Variants in COL2A1 observed in about 807,000 individuals in gnomAD.
COL2A1 encodes collagen type II alpha 1 chain, also known as collagen alpha-1(II) chain.
A neutral mutation model predicts 204.5 loss-of-function variants in COL2A1; 28 were observed. The ratio of observed to expected loss-of-function variants is 0.14; its 90% CI spans 0.10 to 0.19. The LOEUF is 0.19. Among genes scored for constraint, COL2A1 ranks in the 10% least tolerant of loss-of-function variants. The pLI is 1.00. For missense variants in COL2A1, 1,388 were observed against 2,027.5 expected (o/e 0.68, Z 6.06); for synonymous variants, 708 against 718.7 (o/e 0.99, Z 0.24).
Position 47,979,504 on chromosome 12 carries a change from C to T in COL2A1, c.2733+7G>A. 1 of 1,613,604 alleles carries T rather than the reference C, an allele frequency of 6.2e-7. No individual in the cohort carries two copies. Among genetic ancestry groups the T allele is most frequent in the Non-Finnish European group, 8.5e-7 (1 of 1,179,930 alleles). On this transcript the variant is annotated splice_region_variant and intron_variant, in intron 41 of 53. Transcript: ENST00000380518. Reference sequence around the variant, plus strand: ...CCTGTGCCTCTCATGCCAGGAGCATCACTTACATTGGAGCCTGGGGGTCCA... The same window carrying T: ...CCTGTGCCTCTCATGCCAGGAGCATTACTTACATTGGAGCCTGGGGGTCCA...
Position 47,996,644 on chromosome 12 carries a change from A to G in COL2A1, c.532-19T>C, listed in dbSNP as rs754458600. 3 of 1,611,988 alleles carry G rather than the reference A, an allele frequency of 1.9e-6. No individual in the cohort carries two copies. Among genetic ancestry groups the G allele is most frequent in the Non-Finnish European group, 2.5e-6 (3 of 1,178,094 alleles). ...CAAAGTTCTGCAAAGAAACCCAACA[A>G]CGTTAGGAGGTTGAAAGGCACTAGG... On this transcript the variant is annotated intron_variant, in intron 7 of 53. Coordinates refer to ENST00000380518, the MANE Select transcript of COL2A1 (RefSeq NM_001844.5).
Position 47,987,022 on chromosome 12 carries a change from A to C in COL2A1, c.1365+56T>G, listed in dbSNP as rs1363236806. On this transcript the variant is annotated intron_variant, in intron 21 of 53. Transcript: ENST00000380518. This position sits in a 1 kb window ranked among gnomAD's most constrained non-coding sequence, Gnocchi z 4.1. ...CAGGAGAGCATGGGAAAGAGGGGTG[A>C]TGGGGTTTGACTCCAGAGATGTCAG... 3.8e-6 allele frequency: 6 copies of C among 1,586,604 alleles called. No individual in the cohort carries two copies. The highest frequency in any genetic ancestry group is 5.2e-6 in the Non-Finnish European group (6 of 1,155,120).
chr12:47,998,519 C>G, intron 2 of COL2A1, 88 bp from the exon 3 acceptor site: 1 of 1,363,942 alleles, frequency 7.3e-7, no homozygotes, highest in South Asian at 1.3e-5. Flanking sequence ...CTCATTAGAT[C>G]AAACAAGTAA....
Position 47,984,631 on chromosome 12 carries a change from G to A in COL2A1, c.1834-32C>T, listed in dbSNP as rs780688677. 2.9e-5 allele frequency: 47 copies of A among 1,609,836 alleles called. No homozygotes were observed. In the East Asian group the frequency reaches 4.2e-4, roughly 15 times the overall value. Reference sequence around the variant, plus strand: ...GAAAGAGAGGGCAGGGCCATGAGGCGGATGGTTTGGGAGGGAGTTGGGGGC... The same window carrying A: ...GAAAGAGAGGGCAGGGCCATGAGGCAGATGGTTTGGGAGGGAGTTGGGGGC... On this transcript the variant is annotated intron_variant, in intron 27 of 53. Transcript: ENST00000380518.
chr12:47,992,577 G>A (rs1197283333), intron 16 of COL2A1, among the ~76,000 whole-genome samples: 2 of 152,184 alleles, frequency 1.3e-5, no homozygotes, highest in Non-Finnish European at 2.9e-5. Context: ...AGCTAAGTCT[G>A]TCTGTAAACT....
intron 31 of COL2A1, 64 bp from the exon 32 acceptor site, chr12:47,983,201 C>T (rs772137028): frequency 2.9e-5 from 45 of 1,571,602 alleles, no homozygotes; most frequent in Non-Finnish European, 3.6e-5. Flanking sequence ...GAACAATTCT[C>T]CACAGCAGGG....
At chr12:47,988,722 C>T (rs548402010) in intron 18 of COL2A1, among the ~76,000 whole-genome samples, 89 of 152,376 alleles carry the variant, frequency 5.8e-4, no homozygotes, top group African/African-American at 2.0e-3. Flanking sequence ...TGGCCTCCCA[C>T]TGGCCTCTAG....
intron 23 of COL2A1, 21 bp from the exon 24 acceptor site, chr12:47,985,986 G>C: frequency 1.3e-6 from 2 of 1,551,370 alleles, no homozygotes; most frequent in Non-Finnish European, 8.7e-7. Flanking sequence ...ACAGGGAGGA[G>C]AGGCAGTGAG....
intron 1 of COL2A1, 70 bp downstream of exon 1, chr12:48,004,167 G>A (rs546659256): frequency 1.7e-6 from 2 of 1,204,484 alleles, no homozygotes; most frequent in Non-Finnish European, 2.4e-6. Flanking sequence ...GAGCTGGAGC[G>A]GGCCGGGGAG....
chr12:47,989,298 G>A lies in COL2A1; in HGVS notation c.1069-17C>T. 1 of 1,610,212 alleles carries A rather than the reference G, an allele frequency of 6.2e-7. No individual in the cohort carries two copies. The highest frequency in any genetic ancestry group is 8.5e-7 in the Non-Finnish European group (1 of 1,178,512). Reference sequence around the variant, plus strand: ...GACAGGACCCTGGAGAGAGTAGGCGGATGAGAAGAGAGGTGAATGCCAGTT... The same window carrying A: ...GACAGGACCCTGGAGAGAGTAGGCGAATGAGAAGAGAGGTGAATGCCAGTT... On this transcript the variant is annotated splice_polypyrimidine_tract_variant and intron_variant, in intron 17 of 53. Transcript: ENST00000380518.
At chr12:47,992,311 C>T (rs144835659) in intron 16 of COL2A1, among the ~76,000 whole-genome samples, 6 of 152,246 alleles carry the variant, frequency 3.9e-5, no homozygotes, top group South Asian at 2.1e-4. Flanking sequence ...TTCTGTGTCT[C>T]GGTTTTTTCA....
chr12:47,985,786 G>A lies in COL2A1; in HGVS notation c.1622C>T (p.Pro541Leu), dbSNP rs1234981833. The A allele has an allele frequency of 1.2e-6, 2 of 1,613,426 alleles. No homozygotes were observed. The highest frequency in any genetic ancestry group is 2.2e-5 in the South Asian group (2 of 90,878). The change falls in exon 25 of 54, where the codon CCC (proline) becomes CTC (leucine). Residue 541 changes from proline (P) to leucine (L), a missense_variant. Coordinates refer to ENST00000380518, the MANE Select transcript of COL2A1 (RefSeq NM_001844.5). ...GCCAGGGTCACCGTTGGCTCCCTTG[G>A]GGCCAGCAAGACCACTGGGCCCTCG... ...GERGPSGLAG[P>L]KGANGDPGRP... is the part of the protein sequence containing the mutation.
intron 30 of COL2A1, 98 bp from the exon 31 acceptor site, chr12:47,983,536 C>T: frequency 6.9e-7 from 1 of 1,456,644 alleles, no homozygotes; most frequent in Non-Finnish European, 9.5e-7. Flanking sequence ...AAGGAAGCAG[C>T]AGCAGTGACA....
chr12:47,997,799 C>G (rs367614006), intron 6 of COL2A1, 72 bp downstream of exon 6: 23 of 1,612,302 alleles, frequency 1.4e-5, no homozygotes, highest in Non-Finnish European at 2.0e-5. Flanking sequence ...TGACCAGGCC[C>G]TTAAACACAT....
chr12:47,998,959 A>G (rs1940099677), intron 2 of COL2A1: 1 of 156,060 alleles, frequency 6.4e-6, no homozygotes, highest in African/African-American at 2.4e-5. Context: ...CCAGTCAATA[A>G]CCTCTCCTTC....
At chr12:48,000,475 C>T (rs1047974846) in intron 1 of COL2A1, among the ~76,000 whole-genome samples, 51 of 151,850 alleles carry the variant, frequency 3.4e-4, no homozygotes, top group African/African-American at 1.2e-3. Flanking sequence ...GGAGGGTGAG[C>T]GGAAGGGAGG....
chr12:47,974,369 C>A (rs760602610), intron 52 of COL2A1, 38 bp from the exon 53 acceptor site: 1 of 1,611,122 alleles, frequency 6.2e-7, no homozygotes, highest in South Asian at 1.1e-5. Flanking sequence ...GGCCTGGGAG[C>A]TGGCATTCAA....
chr12:47,975,978 G>T lies in COL2A1; in HGVS notation c.3582C>A (p.Gly1194=), dbSNP rs566528045. The change falls in exon 50 of 54, where the codon GGC becomes GGA. Residue 1194 remains glycine (G), a synonymous_variant. Transcript: ENST00000380518. ...IGPPGPRGRS[G]ETGPAGPPGN... ...GGACACTTACAGCAGGGCCGGTTTCGCCTGATCGTCCACGGGGACCAGGAG... is the reference window on the plus strand; with the variant it reads ...GGACACTTACAGCAGGGCCGGTTTCTCCTGATCGTCCACGGGGACCAGGAG... 6.2e-7 allele frequency: 1 copy of T among 1,613,254 alleles called. No homozygotes were observed. The highest frequency in any genetic ancestry group is 8.5e-7 in the Non-Finnish European group (1 of 1,179,292).
intron 50 of COL2A1, 52 bp downstream of exon 50, chr12:47,975,911 C>A: frequency 2.1e-6 from 3 of 1,405,182 alleles, no homozygotes; most frequent in Non-Finnish European, 3.0e-6. Context: ...GAGCTCAAGC[C>A]TCCCGGATGG....
Sources: gnomAD v4.1 joint callset for allele counts (sites outside exome capture counted in the v4.1 genomes callset) on GRCh38, gnomAD v4.1.1 for gene constraint, Gnocchi (gnomAD v3.1) non-coding constraint, MANE v1.5 for transcripts, NCBI Gene and HGNC (gene_info 2026-07-23, HGNC 2026-07-21) for gene names.